The following FRMD6 variants were observed in gnomAD, a reference collection of about 807,000 sequenced individuals.
FRMD6 encodes FERM domain containing 6.
FRMD6 carries 37 observed loss-of-function variants against 73.2 expected under a neutral mutation model. The observed-to-expected ratio is 0.51, with a 90% confidence interval of 0.39 to 0.66. The LOEUF is 0.66. Ranked by LOEUF, FRMD6 falls within the 30% of genes least tolerant of loss-of-function variation. The probability of loss-of-function intolerance (pLI) is 0.00; values close to 1 mark genes in which losing one functional copy is unlikely to be tolerated. For synonymous variants in FRMD6, 273 were observed against 282.2 expected, an observed-to-expected ratio of 0.97 and a Z score of 0.33; for missense variants, 714 against 780.5, an observed-to-expected ratio of 0.91 and a Z score of 1.02.
chr14:51,718,863 C>T (rs1266131298), intron 10 of FRMD6, among the ~76,000 whole-genome samples: 1 of 152,088 alleles, frequency 6.6e-6, no homozygotes, highest in African/African-American at 2.4e-5. Flanking sequence ...CTTTCTCCTC[C>T]TGCTCATTTT....
At chr14:51,495,858 C>T (rs1188501811) in intron 1 of FRMD6, among the ~76,000 whole-genome samples, 1 of 152,118 alleles carries the variant, frequency 6.6e-6, no homozygotes, top group African/African-American at 2.4e-5. Context: ...GAAAATTAAT[C>T]CCTTGGGGTT....
chr14:51,620,533 G>A (rs1193702886), intron 2 of FRMD6, among the ~76,000 whole-genome samples: 1 of 151,980 alleles, frequency 6.6e-6, no homozygotes, highest in East Asian at 1.9e-4. Context: ...GTAGAACAAA[G>A]TTAGACTACA....
intron 1 of FRMD6, among the ~76,000 whole-genome samples, chr14:51,563,756 A>G (rs1323272815): frequency 2.0e-5 from 3 of 152,240 alleles, no homozygotes; most frequent in Non-Finnish European, 4.4e-5. Flanking sequence ...AGAAGTGAAG[A>G]AAGTATACAG....
At chr14:51,533,151 A>G (rs1885687063) in intron 1 of FRMD6, among the ~76,000 whole-genome samples, 2 of 152,198 alleles carry the variant, frequency 1.3e-5, no homozygotes, top group African/African-American at 4.8e-5. Context: ...AATGACAAAG[A>G]GAGGACCATT....
At chr14:51,510,679 G>C (rs1024727504) in intron 1 of FRMD6, among the ~76,000 whole-genome samples, 10 of 151,952 alleles carry the variant, frequency 6.6e-5, no homozygotes, top group African/African-American at 2.4e-4. Flanking sequence ...TAAATCACGC[G>C]TTGACCAGAG....
chr14:51,679,833 T>C (rs1380595928), intron 1 of FRMD6, among the ~76,000 whole-genome samples: 7 of 152,166 alleles, frequency 4.6e-5, no homozygotes, highest in African/African-American at 1.4e-4. Context: ...GAGAAATATG[T>C]TTTTAATCTC....
intron 1 of FRMD6, among the ~76,000 whole-genome samples, chr14:51,510,339 G>A (rs933075467): frequency 6.6e-6 from 1 of 152,278 alleles, no homozygotes; most frequent in Non-Finnish European, 1.5e-5. Flanking sequence ...TGACTCTAAG[G>A]CCCCGTTTAC....
At chr14:51,678,912 A>C (rs1428719823) in intron 1 of FRMD6, among the ~76,000 whole-genome samples, 2 of 152,170 alleles carry the variant, frequency 1.3e-5, no homozygotes, top group Non-Finnish European at 2.9e-5. Context: ...AAAGCATAGA[A>C]GTATGAAAGC....
At chr14:51,515,453 A>G (rs1338127567) in intron 1 of FRMD6, among the ~76,000 whole-genome samples, 1 of 152,132 alleles carries the variant, frequency 6.6e-6, no homozygotes, top group Non-Finnish European at 1.5e-5. Context: ...CTGTGTATAT[A>G]TTAGGCCCCC....
the FRMD6 span, among the ~76,000 whole-genome samples, chr14:51,472,615 G>T: frequency 6.6e-6 from 1 of 152,128 alleles, no homozygotes; most frequent in African/African-American, 2.4e-5. Context: ...CTGAAGGAAT[G>T]ATTTTAACTG....
intron 1 of FRMD6, among the ~76,000 whole-genome samples, chr14:51,679,932 G>A (rs916632859): frequency 6.6e-6 from 1 of 152,184 alleles, no homozygotes; most frequent in Non-Finnish European, 1.5e-5. Context: ...AATAGCGTGA[G>A]TATGGTGGTA....
intron 2 of FRMD6, chr14:51,637,501 ATAT>A (rs1177457959): frequency 1.9e-5 from 2 of 104,464 alleles, no homozygotes; most frequent in Admixed American, 9.4e-5. Flanking sequence ...ACACACACAC[ATAT>A]ATTTGGAAGT....
chr14:51,657,059 A>C (rs1892885851), intron 1 of FRMD6, among the ~76,000 whole-genome samples: 2 of 152,252 alleles, frequency 1.3e-5, no homozygotes, highest in Non-Finnish European at 2.9e-5. Context: ...ATCATTTAAA[A>C]AAATTAAGCA....
intron 1 of FRMD6, among the ~76,000 whole-genome samples, chr14:51,549,657 G>C (rs779655755): frequency 1.5e-5 from 2 of 132,022 alleles, no homozygotes; most frequent in Non-Finnish European, 3.2e-5. Flanking sequence ...GTGCAGTGGC[G>C]CACTCTCAGC....
intron 2 of FRMD6, among the ~76,000 whole-genome samples, chr14:51,594,491 G>C (rs1372138654): frequency 1.3e-5 from 2 of 152,074 alleles, no homozygotes; most frequent in African/African-American, 4.8e-5. Flanking sequence ...ACCACGCCCG[G>C]CTAATTTTAT....
chr14:51,415,307 C>A, the FRMD6 span, among the ~76,000 whole-genome samples: 1 of 152,086 alleles, frequency 6.6e-6, no homozygotes, highest in Non-Finnish European at 1.5e-5. Context: ...ATAAATAGCT[C>A]TTATTATTTT....
the FRMD6 span, among the ~76,000 whole-genome samples, chr14:51,472,542 A>T: frequency 6.6e-6 from 1 of 152,158 alleles, no homozygotes; most frequent in African/African-American, 2.4e-5. Flanking sequence ...TGACCTCGTG[A>T]TCTGCCCACC....
chr14:51,688,508 A>G (rs1375867803), intron 1 of FRMD6, among the ~76,000 whole-genome samples: 3 of 152,150 alleles, frequency 2.0e-5, no homozygotes, highest in Non-Finnish European at 4.4e-5. Flanking sequence ...AAATCGGCCA[A>G]GATTCTATTT....
At chr14:51,563,296 T>A (rs1887582565) in intron 1 of FRMD6, among the ~76,000 whole-genome samples, 1 of 152,234 alleles carries the variant, frequency 6.6e-6, no homozygotes, top group Non-Finnish European at 1.5e-5. Flanking sequence ...TATCAGAGAA[T>A]TTTTATATAA....
Sources: gnomAD v4.1 joint callset for allele counts (sites outside exome capture counted in the v4.1 genomes callset) on GRCh38, gnomAD v4.1.1 for gene constraint, MANE v1.5 for transcripts, NCBI Gene and HGNC (gene_info 2026-07-23, HGNC 2026-07-21) for gene names.